Variants in LRRC7 observed in about 807,000 individuals in gnomAD.
LRRC7 encodes the protein leucine rich repeat containing 7, also known as leucine-rich repeat-containing protein 7.
LRRC7 carries 23 observed loss-of-function variants against 175.7 expected under a neutral mutation model. That is an observed-to-expected ratio of 0.13 (90% CI 0.09 to 0.19). The LOEUF (loss-of-function observed/expected upper bound fraction) is 0.19. Among genes scored for constraint, LRRC7 ranks in the 10% least tolerant of loss-of-function variants. The probability of loss-of-function intolerance (pLI) is 1.00; values close to 1 mark genes in which losing one functional copy is unlikely to be tolerated. For missense variants in LRRC7, 1,354 were observed against 1,904.7 expected (o/e 0.71, Z 5.38); for synonymous variants, 685 against 680.9 (o/e 1.01, Z -0.09).
chr1:69,755,885 C>T (rs1363216473), intron 2 of LRRC7, among the ~76,000 whole-genome samples: 2 of 151,936 alleles, frequency 1.3e-5, no homozygotes, highest in Admixed American at 6.6e-5. Context: ...TTCCGATTAG[C>T]TTTTGAGGGT....
In LRRC7 at chr1:70,142,993, A is replaced by ACTACT. The variant is rs1397728851; in HGVS notation, c.*21110_*21114dup. ...AGTTATTTTGGGGCATAATCCTTTT[A>ACTACT]CTACTCTATAAAGAAGTTCTACTTC... On this transcript the variant is annotated 3_prime_UTR_variant, in exon 27 of 27. Coordinates refer to ENST00000651989, the MANE Select transcript of LRRC7 (RefSeq NM_001370785.2). The ACTACT allele has an allele frequency of 6.6e-6, 1 of 152,086 alleles. No homozygotes were observed. Among genetic ancestry groups the ACTACT allele is most frequent in the Non-Finnish European group, 1.5e-5 (1 of 67,980 alleles). 9.4% of individuals were successfully genotyped at this position (152,086 alleles called of 1,614,324 possible). A position where few individuals can be genotyped will look rare whatever the true frequency, so the allele number is the denominator to read the frequency against.
At chr1:69,967,111 G>A (rs1382022949) in intron 8 of LRRC7, among the ~76,000 whole-genome samples, 1 of 152,178 alleles carries the variant, frequency 6.6e-6, no homozygotes, top group African/African-American at 2.4e-5. Flanking sequence ...GTTGGAAGGG[G>A]CACAGTGGGA....
intron 1 of LRRC7, among the ~76,000 whole-genome samples, chr1:69,629,235 TG>T (rs1179114141): frequency 1.3e-5 from 2 of 152,116 alleles, no homozygotes; most frequent in African/African-American, 4.8e-5. Flanking sequence ...TTATCCAAGA[TG>T]TACAACTATT....
intron 7 of LRRC7, among the ~76,000 whole-genome samples, chr1:69,849,139 A>G (rs1025586110): frequency 5.5e-4 from 84 of 152,192 alleles, no homozygotes; most frequent in African/African-American, 2.0e-3. Flanking sequence ...TAAATGCACT[A>G]TAATTTTATG....
Position 69,586,593 on chromosome 1 carries a change from C to A in LRRC7, c.2+17952C>A, listed in dbSNP as rs554859509. On this transcript the variant is annotated intron_variant, in intron 1 of 26. Transcript: ENST00000651989. ...AGGGGGAGAATTCAGTGAGGTACTG[C>A]ATACCATTTACTTAAAATTATTCCA... Among the ~76,000 whole-genome samples the A allele has an allele frequency of 1.1e-4, 17 of 152,130 alleles. 1 individual carries two copies. In the South Asian group the frequency reaches 1.5e-3, roughly 13 times the overall value.
At chr1:69,588,983 G>T (rs993706685) in intron 1 of LRRC7, among the ~76,000 whole-genome samples, 4 of 140,022 alleles carry the variant, frequency 2.9e-5, no homozygotes, top group Admixed American at 7.0e-5. Flanking sequence ...TCCTGCTGGG[G>T]TCTGTGTGTG....
intron 7 of LRRC7, among the ~76,000 whole-genome samples, chr1:69,883,538 T>C (rs1425062204): frequency 2.0e-5 from 2 of 101,122 alleles, no homozygotes; most frequent in Non-Finnish European, 4.2e-5. Flanking sequence ...GAGTAGGTTG[T>C]GAAAATTTTC....
At chr1:69,916,919 T>C (rs1557885671) in intron 7 of LRRC7, among the ~76,000 whole-genome samples, 2 of 152,032 alleles carry the variant, frequency 1.3e-5, no homozygotes, top group South Asian at 4.2e-4. Flanking sequence ...GATAGTTTAT[T>C]TTGGTTGGTG....
At chr1:70,116,941 C>T (rs1665901741) in intron 26 of LRRC7, among the ~76,000 whole-genome samples, 1 of 152,166 alleles carries the variant, frequency 6.6e-6, no homozygotes, top group African/African-American at 2.4e-5. Context: ...TCATTGAACA[C>T]CATGAAGGCT....
At chr1:69,864,614 A>C (rs1002630386) in intron 7 of LRRC7, among the ~76,000 whole-genome samples, 4 of 152,212 alleles carry the variant, frequency 2.6e-5, no homozygotes, top group African/African-American at 9.7e-5. Context: ...GAAGTGTCAG[A>C]AGATAGGGTA....
intron 1 of LRRC7, among the ~76,000 whole-genome samples, chr1:69,630,160 T>C (rs1027484892): frequency 6.6e-6 from 1 of 152,070 alleles, no homozygotes; most frequent in African/African-American, 2.4e-5. Context: ...TTCTTGTTCC[T>C]TCCTTCCTCA....
intron 1 of LRRC7, among the ~76,000 whole-genome samples, chr1:69,642,547 C>T (rs1654367915): frequency 6.6e-6 from 1 of 151,882 alleles, no homozygotes; most frequent in South Asian, 2.1e-4. Context: ...CTTTCTTTCT[C>T]GTCTTTTCTT....
chr1:69,588,703 G>A (rs1234242271), intron 1 of LRRC7, among the ~76,000 whole-genome samples: 2 of 152,100 alleles, frequency 1.3e-5, no homozygotes, highest in Non-Finnish European at 2.9e-5. Context: ...AGAATCAAAT[G>A]AGATAAATGA....
intron 3 of LRRC7, among the ~76,000 whole-genome samples, chr1:69,774,022 G>A (rs1672536654): frequency 6.6e-6 from 1 of 152,076 alleles, no homozygotes; most frequent in Admixed American, 6.6e-5. Flanking sequence ...TTACTGGATT[G>A]GCCATCTTGA....
At chr1:69,732,759 A>G (rs980502595) in intron 2 of LRRC7, among the ~76,000 whole-genome samples, 2 of 152,096 alleles carry the variant, frequency 1.3e-5, no homozygotes, top group African/African-American at 4.8e-5. Flanking sequence ...ATTTTAGTTT[A>G]CTTGAACTAA....
intron 1 of LRRC7, among the ~76,000 whole-genome samples, chr1:69,676,872 CAT>C (rs66793539): frequency 0.075 from 11,421 of 151,960 alleles, 570 homozygotes; most frequent in African/African-American, 0.14. Flanking sequence ...TTTCAGTGCA[CAT>C]GTCACCTGGA....
intron 7 of LRRC7, among the ~76,000 whole-genome samples, chr1:69,892,127 G>T (rs564261173): frequency 6.6e-6 from 1 of 152,250 alleles, no homozygotes; most frequent in East Asian, 1.9e-4. Context: ...TGAATAAATT[G>T]AAAACTCCAA....
At chr1:69,895,495 T>C (rs368163385) in intron 7 of LRRC7, among the ~76,000 whole-genome samples, 1 of 152,186 alleles carries the variant, frequency 6.6e-6, no homozygotes, top group Non-Finnish European at 1.5e-5. Context: ...ATGTGTAGAA[T>C]TTTACAAGTT....
At chr1:70,067,817 A>G (rs1165484691) in intron 23 of LRRC7, among the ~76,000 whole-genome samples, 1 of 152,116 alleles carries the variant, frequency 6.6e-6, no homozygotes, top group Non-Finnish European at 1.5e-5. Flanking sequence ...TTTTCAGCTT[A>G]TAAGTTTTAT....
Sources: gnomAD v4.1 joint callset for allele counts (sites outside exome capture counted in the v4.1 genomes callset) on GRCh38, gnomAD v4.1.1 for gene constraint, MANE v1.5 for transcripts, NCBI Gene and HGNC (gene_info 2026-07-23, HGNC 2026-07-21) for gene names.